Variants in SATB1 observed in about 807,000 individuals in gnomAD.
The protein encoded by SATB1 is DNA-binding protein SATB1.
A neutral mutation model predicts 86.9 loss-of-function variants in SATB1; 11 were observed. The ratio of observed to expected loss-of-function variants is 0.13; its 90% CI spans 0.08 to 0.21. The LOEUF (loss-of-function observed/expected upper bound fraction) is 0.21, where lower values mean the gene tolerates loss of function less well. Ranked by LOEUF, SATB1 falls within the 10% of genes least tolerant of loss-of-function variation. The pLI is 1.00. For missense variants in SATB1, 551 were observed against 937.6 expected (o/e 0.59, Z 5.39); for synonymous variants, 357 against 357.2 (o/e 1.00, Z 0.01).
At chr3:18,365,038 A>C (rs962904628) in intron 9 of SATB1, among the ~76,000 whole-genome samples, 2 of 152,094 alleles carry the variant, frequency 1.3e-5, no homozygotes, top group Non-Finnish European at 2.9e-5. Flanking sequence ...TTCAATCCTC[A>C]GGTCAATCAA....
intron 7 of SATB1, among the ~76,000 whole-genome samples, chr3:18,387,482 TA>T (rs1453430641): frequency 6.6e-6 from 1 of 152,160 alleles, no homozygotes; most frequent in East Asian, 1.9e-4. Flanking sequence ...CCCCCCTAAA[TA>T]ACAGAACATC....
intron 2 of SATB1, among the ~76,000 whole-genome samples, chr3:18,433,978 G>C (rs886441797): frequency 6.6e-6 from 1 of 151,890 alleles, no homozygotes; most frequent in African/African-American, 2.4e-5. Context: ...CTTTTCATTT[G>C]TGTTATTTAA....
At chr3:18,354,903 C>T (rs902076666) in intron 9 of SATB1, among the ~76,000 whole-genome samples, 46 of 152,194 alleles carry the variant, frequency 3.0e-4, no homozygotes, top group African/African-American at 1.0e-3. Context: ...TCTAGACTTA[C>T]GAGACAGATC....
intron 9 of SATB1, among the ~76,000 whole-genome samples, chr3:18,373,702 C>A (rs971415772): frequency 1.3e-5 from 2 of 151,866 alleles, no homozygotes; most frequent in Non-Finnish European, 2.9e-5. Context: ...TTGTTTTCCC[C>A]TCTCTCTCAT....
At position 18,443,812 on chromosome 3, in the gene SATB1, A is replaced by T. The variant is rs1406533994; in HGVS notation, c.-25+1706T>A. ...TGTGGACTGCGAGGCTGCACCTGTGATGTCCCGGCCCCTGCTAAGAGGACG... is the reference window on the plus strand; with the variant it reads ...TGTGGACTGCGAGGCTGCACCTGTGTTGTCCCGGCCCCTGCTAAGAGGACG... On this transcript the variant is annotated intron_variant, in intron 1 of 3. Coordinates refer to the SATB1 transcript ENST00000415069. This position sits in a 1 kb window ranked among gnomAD's most constrained non-coding sequence, Gnocchi z 4.4. 3.9e-5 allele frequency among the ~76,000 whole-genome samples: 6 copies of T among 152,152 alleles called. No homozygotes were observed. The highest frequency in any genetic ancestry group is 7.4e-5 in the Non-Finnish European group (5 of 68,020).
rs1167019258 is a variant in SATB1, at chr3:18,443,802, TG to T, written c.-25+1715del. 2.6e-5 allele frequency among the ~76,000 whole-genome samples: 4 copies of T among 152,302 alleles called. No individual in the cohort carries two copies. Among genetic ancestry groups the T allele is most frequent in the African/African-American group, 9.6e-5 (4 of 41,554 alleles). ...GGAAACACGGTGTGGACTGCGAGGC[TG>T]CACCTGTGATGTCCCGGCCCCTGCT... is the stretch of plus-strand genomic sequence containing the variant. On this transcript the variant is annotated intron_variant, in intron 1 of 3. Transcript: ENST00000415069. The surrounding 1 kb of genome is among the most constrained non-coding windows in gnomAD (Gnocchi z 4.4).
chr3:18,416,876 TCCAACCCCAC>T lies in SATB1; in HGVS notation c.388+16_388+25del. 6.4e-7 allele frequency: 1 copy of T among 1,562,728 alleles called. No individual in the cohort carries two copies. The highest frequency in any genetic ancestry group is 1.2e-5 in the South Asian group (1 of 83,868). On this transcript the variant is annotated intron_variant, in intron 3 of 10. Transcript: ENST00000338745. ...TAAACAAAGAATGCTAAGCAATTTT[TCCAACCCCAC>T]GTACACATTATTTACCTTTGGCCTG...
At chr3:18,365,371 G>T (rs926625497) in intron 9 of SATB1, among the ~76,000 whole-genome samples, 1 of 151,330 alleles carries the variant, frequency 6.6e-6, no homozygotes, top group African/African-American at 2.4e-5. Flanking sequence ...TTTCCAAATA[G>T]AAGGAGATAA....
chr3:18,362,728 T>C (rs1190240104), intron 9 of SATB1, among the ~76,000 whole-genome samples: 7 of 151,864 alleles, frequency 4.6e-5, no homozygotes, highest in Admixed American at 3.3e-4. Context: ...TGCTCTCATA[T>C]TGCAATGTTA....
rs116891218 is a variant in SATB1, at chr3:18,372,843, A to G, written c.1575+5327T>C. Among the ~76,000 whole-genome samples the G allele has an allele frequency of 6.6e-4, 101 of 152,316 alleles. No individual in the cohort carries two copies. The East Asian group carries it at 0.019, about 28-fold the overall frequency. On this transcript the variant is annotated intron_variant, in intron 9 of 10. Transcript: ENST00000338745. ...TGAATTCCCAACATTAAGATGTAAG[A>G]GATTGTTATAAATGGCCACTAATAT...
chr3:18,428,240 T>C (rs1447107451), upstream of SATB1, among the ~76,000 whole-genome samples: 1 of 152,192 alleles, frequency 6.6e-6, no homozygotes, highest in Non-Finnish European at 1.5e-5. Flanking sequence ...GGATATTACA[T>C]GGCAAGGGGC....
chr3:18,366,408 A>C (rs756869722), intron 9 of SATB1, among the ~76,000 whole-genome samples: 1 of 151,850 alleles, frequency 6.6e-6, no homozygotes, highest in Non-Finnish European at 1.5e-5. Context: ...ATGTGCTATT[A>C]AAGTTTTTAA....
intron 5 of SATB1, among the ~76,000 whole-genome samples, chr3:18,407,290 TATA>T (rs1255138288): frequency 1.3e-5 from 2 of 152,102 alleles, no homozygotes; most frequent in African/African-American, 4.8e-5. Flanking sequence ...ATCATAACTT[TATA>T]ATGACTGTAA....
At position 18,415,989 on chromosome 3, in the gene SATB1, T is replaced by G. The variant is rs544480296; in HGVS notation, c.515+18A>C. The G allele has an allele frequency of 3.5e-5, 54 of 1,561,478 alleles. 1 individual carries two copies. In the South Asian group the frequency reaches 4.0e-4, roughly 12 times the overall value. On this transcript the variant is annotated intron_variant, in intron 4 of 10. Coordinates refer to ENST00000338745, the MANE Select transcript of SATB1 (RefSeq NM_002971.6). ...GGTAAGAAGAATGTTTCACCCTAGA[T>G]TTGCTGTCTTGACTCACCTGTGTAA...
At chr3:18,363,079 C>T (rs1695000363) in intron 9 of SATB1, among the ~76,000 whole-genome samples, 1 of 152,086 alleles carries the variant, frequency 6.6e-6, no homozygotes, top group South Asian at 2.1e-4. Flanking sequence ...GAGCTACACT[C>T]CCTATTATGC....
At chr3:18,445,092 G>A (rs1424585950) in intron 1 of SATB1, 1 of 497,410 alleles carries the variant, frequency 2.0e-6, no homozygotes, top group Non-Finnish European at 2.6e-6. Context: ...CTTCGGACCG[G>A]GCACGCTGCG....
At chr3:18,439,879 C>A (rs375131098), upstream of SATB1, among the ~76,000 whole-genome samples, 59 of 152,186 alleles carry the variant, frequency 3.9e-4, no homozygotes, top group East Asian at 7.5e-3. Context: ...ACAACAAATA[C>A]ATTTAGTATT....
chr3:18,378,871 A>G (rs1575113474), intron 8 of SATB1, among the ~76,000 whole-genome samples: 1 of 152,248 alleles, frequency 6.6e-6, no homozygotes, highest in South Asian at 2.1e-4. Flanking sequence ...TAAATCTTCT[A>G]TCCATCCATG....
intron 6 of SATB1, among the ~76,000 whole-genome samples, chr3:18,396,760 T>C (rs1199081270): frequency 2.6e-5 from 4 of 152,216 alleles, no homozygotes; most frequent in Non-Finnish European, 4.4e-5. Flanking sequence ...ATAAATAGTT[T>C]AATTTAAGAA....
Sources: allele counts gnomAD v4.1 joint callset (sites outside exome capture counted in the v4.1 genomes callset), GRCh38; gene constraint gnomAD v4.1.1; non-coding constraint Gnocchi (gnomAD v3.1); transcripts MANE v1.5; gene names NCBI Gene and HGNC (gene_info 2026-07-23, HGNC 2026-07-21).